Variants in C7orf78 observed in about 807,000 individuals in gnomAD.
The protein encoded by C7orf78 is chromosome 7 open reading frame 78.
the C7orf78 span, among the ~76,000 whole-genome samples, chr7:12,517,103 T>C: frequency 1.3e-5 from 2 of 151,992 alleles, no homozygotes; most frequent in African/African-American, 4.8e-5. Context: ...TCATCTTGAA[T>C]TGTACTCCCA....
chr7:12,494,749 C>T, the C7orf78 span, among the ~76,000 whole-genome samples: 1 of 152,148 alleles, frequency 6.6e-6, no homozygotes, highest in Non-Finnish European at 1.5e-5. Context: ...CCTAAAATGA[C>T]ATTGAGAGCT....
the C7orf78 span, among the ~76,000 whole-genome samples, chr7:12,499,486 C>A: frequency 6.7e-6 from 1 of 148,260 alleles, no homozygotes; most frequent in Non-Finnish European, 1.5e-5. Flanking sequence ...ACAAAGAAGG[C>A]CATTACATAA....
At chr7:12,509,352 A>G in the C7orf78 span, among the ~76,000 whole-genome samples, 35 of 152,330 alleles carry the variant, frequency 2.3e-4, no homozygotes, top group East Asian at 1.9e-4. Flanking sequence ...CTTTGGAAAG[A>G]TCTTACGATA....
chr7:12,504,662 G>T, the C7orf78 span: 1 of 151,862 alleles, frequency 6.6e-6, no homozygotes, highest in Non-Finnish European at 1.5e-5. Flanking sequence ...ATATGTTAAG[G>T]TATATAAGAT....
the C7orf78 span, among the ~76,000 whole-genome samples, chr7:12,495,986 C>T: frequency 2.0e-5 from 3 of 151,722 alleles, no homozygotes; most frequent in Admixed American, 6.6e-5. Flanking sequence ...ACTGCAGTGG[C>T]GTGATCTCGG....
At chr7:12,530,149 A>C in the C7orf78 span, among the ~76,000 whole-genome samples, 2 of 152,130 alleles carry the variant, frequency 1.3e-5, no homozygotes, top group Non-Finnish European at 2.9e-5. Context: ...TTGAGAGTTA[A>C]GCTTTGTCTG....
the C7orf78 span, among the ~76,000 whole-genome samples, chr7:12,503,124 C>A: frequency 7.2e-6 from 1 of 138,076 alleles, no homozygotes; most frequent in Non-Finnish European, 1.6e-5. Flanking sequence ...GGGAGATATA[C>A]CTAATGCTAG....
chr7:12,518,462 A>C, the C7orf78 span, among the ~76,000 whole-genome samples: 1 of 151,994 alleles, frequency 6.6e-6, no homozygotes, highest in African/African-American at 2.4e-5. Context: ...TGGTAAGATG[A>C]CTGTCTTATT....
the C7orf78 span, among the ~76,000 whole-genome samples, chr7:12,529,393 G>A: frequency 7.9e-5 from 12 of 152,074 alleles, no homozygotes; most frequent in East Asian, 3.8e-4. Context: ...TTATAATGTC[G>A]GTTAGTAATG....
the C7orf78 span, among the ~76,000 whole-genome samples, chr7:12,519,759 C>G: frequency 9.2e-5 from 14 of 152,280 alleles, no homozygotes; most frequent in South Asian, 2.9e-3. Flanking sequence ...ACTGGGGACC[C>G]CAAGCATCTT....
the C7orf78 span, among the ~76,000 whole-genome samples, chr7:12,508,013 C>G: frequency 1.3e-5 from 2 of 152,158 alleles, no homozygotes; most frequent in Non-Finnish European, 2.9e-5. Context: ...ATTTTAATCT[C>G]AGTCTACATC....
the C7orf78 span, among the ~76,000 whole-genome samples, chr7:12,509,902 C>T: frequency 5.3e-5 from 8 of 152,016 alleles, no homozygotes; most frequent in Non-Finnish European, 7.4e-5. Flanking sequence ...GGCGTGGTGG[C>T]GGGTGCCTGT....
the C7orf78 span, among the ~76,000 whole-genome samples, chr7:12,518,550 TGTGA>T: frequency 1.3e-5 from 2 of 152,026 alleles, no homozygotes; most frequent in African/African-American, 4.8e-5. Flanking sequence ...AGATGGCACA[TGTGA>T]GTGTGTGTTT....
At chr7:12,539,239 C>T in the C7orf78 span, among the ~76,000 whole-genome samples, 3 of 152,028 alleles carry the variant, frequency 2.0e-5, no homozygotes, top group South Asian at 2.1e-4. Flanking sequence ...CCAAGGTGGG[C>T]GGATCGTGAG....
At chr7:12,500,567 C>G in the C7orf78 span, among the ~76,000 whole-genome samples, 16 of 150,776 alleles carry the variant, frequency 1.1e-4, no homozygotes, top group Non-Finnish European at 1.9e-4. Context: ...ATAACAGGAT[C>G]TGAAATTGTG....
chr7:12,500,514 C>T, the C7orf78 span, among the ~76,000 whole-genome samples: 5 of 149,976 alleles, frequency 3.3e-5, no homozygotes, highest in African/African-American at 1.2e-4. Flanking sequence ...CATACACTCT[C>T]CCAAGACTAA....
chr7:12,525,941 A>G, the C7orf78 span: 1 of 396,152 alleles, frequency 2.5e-6, no homozygotes, highest in South Asian at 1.3e-4. Context: ...TGGAAAAAAA[A>G]CTCTGCATTC....
At chr7:12,493,019 A>G in the C7orf78 span, among the ~76,000 whole-genome samples, 1 of 152,126 alleles carries the variant, frequency 6.6e-6, no homozygotes, top group African/African-American at 2.4e-5. Flanking sequence ...CCTGGGTCAC[A>G]TGGCAAAAAA....
chr7:12,522,925 C>G, the C7orf78 span: 1 of 397,674 alleles, frequency 2.5e-6, no homozygotes, highest in Admixed American at 4.4e-5. Flanking sequence ...GTTGAGTACA[C>G]CATTGCTATA....
Sources: gnomAD v4.1 joint callset for allele counts (sites outside exome capture counted in the v4.1 genomes callset) on GRCh38, gnomAD v4.1.1 for gene constraint, MANE v1.5 for transcripts, NCBI Gene and HGNC (gene_info 2026-07-23, HGNC 2026-07-21) for gene names.